Variants in RPS6KC1 observed in about 807,000 individuals in gnomAD.
The protein encoded by RPS6KC1 is ribosomal protein S6 kinase C1, also known as inactive ribosomal protein S6 kinase delta-1.
A neutral mutation model predicts 103.8 loss-of-function variants in RPS6KC1; 54 were observed. That is an observed-to-expected ratio of 0.52 (90% CI 0.42 to 0.65). The LOEUF is 0.65. Ranked by LOEUF, RPS6KC1 falls within the 30% of genes least tolerant of loss-of-function variation. The pLI is 0.00. For synonymous variants in RPS6KC1, 439 were observed against 438.7 expected, an observed-to-expected ratio of 1.00 and a Z score of -0.01; for missense variants, 1,151 against 1,253.8, an observed-to-expected ratio of 0.92 and a Z score of 1.24.
the RPS6KC1 span, among the ~76,000 whole-genome samples, chr1:213,625,899 T>C: frequency 6.6e-6 from 1 of 152,230 alleles, no homozygotes; most frequent in African/African-American, 2.4e-5. Context: ...TACGTGTGCA[T>C]GTGTCTTTAT....
At chr1:213,658,322 T>A in the RPS6KC1 span, among the ~76,000 whole-genome samples, 1 of 152,128 alleles carries the variant, frequency 6.6e-6, no homozygotes, top group Non-Finnish European at 1.5e-5. Context: ...GGGGGTGACA[T>A]TTGGCCCACA....
the RPS6KC1 span, among the ~76,000 whole-genome samples, chr1:213,658,450 A>G: frequency 6.6e-6 from 1 of 152,354 alleles, no homozygotes; most frequent in South Asian, 2.1e-4. Flanking sequence ...AAAGGTGGCC[A>G]GTAAGGACAA....
the RPS6KC1 span, among the ~76,000 whole-genome samples, chr1:213,346,616 G>T: frequency 2.0e-5 from 3 of 152,074 alleles, no homozygotes; most frequent in Non-Finnish European, 4.4e-5. Flanking sequence ...ATTCAGGCTG[G>T]TTTGTTAGTT....
At chr1:213,621,455 T>A in the RPS6KC1 span, among the ~76,000 whole-genome samples, 2 of 151,886 alleles carry the variant, frequency 1.3e-5, no homozygotes, top group Admixed American at 1.3e-4. Flanking sequence ...CATGTGCTAA[T>A]AATAGGATGG....
chr1:213,651,098 T>G, the RPS6KC1 span, among the ~76,000 whole-genome samples: 1 of 151,622 alleles, frequency 6.6e-6, no homozygotes, highest in Non-Finnish European at 1.5e-5. Context: ...AAAAGTGGGA[T>G]GCAGAGAGAA....
At chr1:213,702,300 T>A in the RPS6KC1 span, among the ~76,000 whole-genome samples, 2 of 152,044 alleles carry the variant, frequency 1.3e-5, no homozygotes, top group African/African-American at 4.8e-5. Flanking sequence ...ATTTAATTTT[T>A]AAAAAATGTT....
At chr1:213,405,498 T>C in the RPS6KC1 span, among the ~76,000 whole-genome samples, 21 of 152,302 alleles carry the variant, frequency 1.4e-4, no homozygotes, top group East Asian at 1.9e-3. Flanking sequence ...GTGTATGTGG[T>C]GTGCATGGGT....
At chr1:213,114,447 A>G (rs1016160118) in intron 4 of RPS6KC1, among the ~76,000 whole-genome samples, 2 of 149,588 alleles carry the variant, frequency 1.3e-5, no homozygotes, top group African/African-American at 5.0e-5. Flanking sequence ...CAGCTTAAGG[A>G]GATTTTGGGC....
chr1:213,059,213 A>C (rs4951477), intron 1 of RPS6KC1, among the ~76,000 whole-genome samples: 68,476 of 152,156 alleles, frequency 0.45, 19,192 homozygotes, highest in Non-Finnish European at 0.62. Flanking sequence ...TGACCTTTCA[A>C]ACTGACTTAT....
chr1:213,437,193 G>A, the RPS6KC1 span, among the ~76,000 whole-genome samples: 1 of 151,874 alleles, frequency 6.6e-6, no homozygotes, highest in South Asian at 2.1e-4. Flanking sequence ...TTTCTAGATT[G>A]CAAAGAATAT....
chr1:213,153,395 T>A (rs1313031138), intron 6 of RPS6KC1, among the ~76,000 whole-genome samples: 1 of 152,152 alleles, frequency 6.6e-6, no homozygotes, highest in African/African-American at 2.4e-5. Context: ...TGCAAATATA[T>A]CTTGTAACCC....
At chr1:213,093,583 T>C (rs951754184) in intron 3 of RPS6KC1, among the ~76,000 whole-genome samples, 6 of 152,176 alleles carry the variant, frequency 3.9e-5, no homozygotes, top group African/African-American at 1.4e-4. Context: ...TCTTGTAATT[T>C]TGCATATGAT....
At chr1:213,778,156 G>C in the RPS6KC1 span, among the ~76,000 whole-genome samples, 5 of 152,178 alleles carry the variant, frequency 3.3e-5, no homozygotes, top group Non-Finnish European at 7.3e-5. Context: ...TTCAGAGGTG[G>C]AAAGTAGAAG....
chr1:213,497,478 C>T, the RPS6KC1 span, among the ~76,000 whole-genome samples: 14 of 151,844 alleles, frequency 9.2e-5, no homozygotes, highest in African/African-American at 3.1e-4. Flanking sequence ...CCCTTAATAG[C>T]TTCTAAATCA....
chr1:213,085,416 A>C (rs2148608891), intron 3 of RPS6KC1, among the ~76,000 whole-genome samples: 1 of 152,296 alleles, frequency 6.6e-6, no homozygotes, highest in South Asian at 2.1e-4. Context: ...GGTTCCAGGG[A>C]TTAGCTTTAG....
the RPS6KC1 span, among the ~76,000 whole-genome samples, chr1:213,424,361 C>T: frequency 6.6e-6 from 1 of 152,052 alleles, no homozygotes; most frequent in African/African-American, 2.4e-5. Flanking sequence ...TTTGAGGGAA[C>T]ATCTACACAC....
chr1:213,262,129 C>T (rs1441484144), intron 13 of RPS6KC1, among the ~76,000 whole-genome samples: 1 of 152,072 alleles, frequency 6.6e-6, no homozygotes, highest in African/African-American at 2.4e-5. Context: ...AGATGAATGA[C>T]TTTTGAATAT....
chr1:213,082,432 A>T (rs565292375), intron 3 of RPS6KC1, among the ~76,000 whole-genome samples: 1 of 151,606 alleles, frequency 6.6e-6, no homozygotes, highest in Admixed American at 6.6e-5. Context: ...CTCCATCCCA[A>T]AAAAATAAAT....
the RPS6KC1 span, among the ~76,000 whole-genome samples, chr1:213,331,417 G>A: frequency 3.3e-5 from 5 of 152,234 alleles, 1 homozygote; most frequent in Non-Finnish European, 7.3e-5. Flanking sequence ...AGTATTGGAT[G>A]GTGGGGTCAA....
Sources: allele counts gnomAD v4.1 joint callset (sites outside exome capture counted in the v4.1 genomes callset), GRCh38; gene constraint gnomAD v4.1.1; transcripts MANE v1.5; gene names NCBI Gene and HGNC (gene_info 2026-07-23, HGNC 2026-07-21).